ADGRE1: variants seen among roughly 807,000 people sequenced by gnomAD.
ADGRE1 encodes adhesion G protein-coupled receptor E1, also known as EGF-like module receptor 1.
In ADGRE1, 82 loss-of-function variants were observed where a neutral mutation model predicts 102.7. The ratio of observed to expected loss-of-function variants is 0.80; its 90% CI spans 0.67 to 0.96. The LOEUF (loss-of-function observed/expected upper bound fraction) is 0.96, where lower values mean the gene tolerates loss of function less well. Ranked by LOEUF, ADGRE1 falls within the 40% of genes least tolerant of loss-of-function variation. ADGRE1 has a pLI of 0.00. For synonymous variants in ADGRE1, 398 were observed against 399.6 expected (o/e 1.00, Z 0.05); for missense variants, 1,032 against 1,085.3 (o/e 0.95, Z 0.69).
At chr19:6,914,011 A>C (rs1374315542) in intron 11 of ADGRE1, among the ~76,000 whole-genome samples, 181 bp downstream of exon 11, 1 of 152,262 alleles carries the variant, frequency 6.6e-6, no homozygotes. Context: ...AGTGCTTGGC[A>C]AAGGCCAGGC....
At chr19:6,906,102 T>C (rs1256083408) in intron 8 of ADGRE1, among the ~76,000 whole-genome samples, 1 of 152,202 alleles carries the variant, frequency 6.6e-6, no homozygotes, top group Admixed American at 6.5e-5. Context: ...TTTCACTCAA[T>C]ATCATGCCTC....
intron 15 of ADGRE1, among the ~76,000 whole-genome samples, chr19:6,925,622 AATAATGTTACAGATGTCG>A (rs1974867200): frequency 6.6e-6 from 1 of 152,188 alleles, no homozygotes; most frequent in African/African-American, 2.4e-5. Context: ...ATGACTCTGC[AATAATGTTACAGATGTCG>A]ATAATGCTAC....
chr19:6,939,931 T>C, intron 20 of ADGRE1, 93 bp from the exon 21 acceptor site: 1 of 1,368,204 alleles, frequency 7.3e-7, no homozygotes, highest in Non-Finnish European at 1.0e-6. Context: ...TTACTGTATT[T>C]TTAATACTTC....
chr19:6,893,689 T>A (rs1315833581), intron 2 of ADGRE1, among the ~76,000 whole-genome samples: 2 of 152,210 alleles, frequency 1.3e-5, no homozygotes, highest in Non-Finnish European at 2.9e-5. Flanking sequence ...TCACTCAACC[T>A]CTCTGAGTCA....
chr19:6,924,763 T>C lies in ADGRE1; in HGVS notation c.1877T>C (p.Leu626Pro), dbSNP rs2144994136. The C allele has an allele frequency of 2.5e-6, 4 of 1,614,202 alleles. No homozygotes were observed. Among genetic ancestry groups the C allele is most frequent in the East Asian group, 4.5e-5 (2 of 44,880 alleles). ...GTCTTGGCCATCGCCACCTTTCTGCTGTGTCGCTCCATCCGAAATCACAAC... is the reference window on the plus strand; with the variant it reads ...GTCTTGGCCATCGCCACCTTTCTGCCGTGTCGCTCCATCCGAAATCACAAC... ...CLVLAIATFL[L>P]CRSIRNHNTY... Residue 626 changes from leucine (L) to proline (P), a missense_variant, in exon 15 of 21, where the codon CTG (leucine) becomes CCG (proline). Transcript: ENST00000312053.
At chr19:6,935,324 A>G (rs1479198727) in intron 18 of ADGRE1, among the ~76,000 whole-genome samples, 2 of 152,142 alleles carry the variant, frequency 1.3e-5, no homozygotes, top group African/African-American at 4.8e-5. Context: ...GAATGGGGAT[A>G]TTAACATTGC....
chr19:6,887,629 C>G lies in ADGRE1; in HGVS notation c.21C>G (p.Leu7=), dbSNP rs370964713. 6.2e-7 allele frequency: 1 copy of G among 1,612,504 alleles called. No homozygotes were observed. Residue 7 remains leucine, a synonymous_variant, in exon 1 of 21, where the codon CTC becomes CTG. Coordinates refer to ENST00000312053, the MANE Select transcript of ADGRE1 (RefSeq NM_001974.5). The part of the protein sequence containing the change: MRGFNL[L]LFWGCCVMHS... Reference sequence around the variant, plus strand: ...GCATAATGCGTGGCTTCAACCTGCTCCTCTTCTGGGGTGAGTGTGAGGCTG... The same window carrying G: ...GCATAATGCGTGGCTTCAACCTGCTGCTCTTCTGGGGTGAGTGTGAGGCTG...
At chr19:6,901,621 A>G (rs1019032642) in intron 5 of ADGRE1, among the ~76,000 whole-genome samples, 1 of 152,204 alleles carries the variant, frequency 6.6e-6, no homozygotes, top group African/African-American at 2.4e-5. Context: ...TCTGATAATT[A>G]TGTTTTGAAA....
intron 14 of ADGRE1, 135 bp from the exon 15 acceptor site, chr19:6,924,543 T>C: frequency 1.5e-6 from 1 of 688,238 alleles, no homozygotes; most frequent in South Asian, 1.8e-5. Context: ...CAGTATCTAG[T>C]TCACTCTGAG....
chr19:6,901,730 C>T lies in ADGRE1; in HGVS notation c.515-145C>T, dbSNP rs1973770923. 5 of 855,676 alleles carry T rather than the reference C, an allele frequency of 5.8e-6. No homozygotes were observed. In the Admixed American group the frequency reaches 1.1e-4, roughly 18 times the overall value. The allele number at this position is 855,676 out of a possible 1,614,324, so 53.0% of individuals were successfully genotyped here. ...ACTGGGAAATATGTCCCACTGTGTG[C>T]CTGGGAAGAAGGGGGGAACATGGAT... On this transcript the variant is annotated intron_variant, in intron 5 of 20. Coordinates refer to ENST00000312053, the MANE Select transcript of ADGRE1 (RefSeq NM_001974.5).
rs1312377410 is a variant in ADGRE1, at chr19:6,940,312, G to A, written c.*283G>A. 5.6e-6 allele frequency: 3 copies of A among 535,206 alleles called. No homozygotes were observed. Among genetic ancestry groups the A allele is most frequent in the African/African-American group, 3.8e-5 (2 of 52,496 alleles). The allele number at this position is 535,206 out of a possible 1,614,324, so 33.2% of individuals were successfully genotyped here. A position where few individuals can be genotyped will look rare whatever the true frequency, so the allele number is the denominator to read the frequency against. On this transcript the variant is annotated 3_prime_UTR_variant, in exon 21 of 21. Transcript: ENST00000312053. ...GACCCAAATTCAATGGCATGACCAA[G>A]AACACCTGGCTACCATTTTGTTTTC...
In ADGRE1 at chr19:6,920,516, C is replaced by CTTTTTTTTTTTTT. The variant is rs3053967; in HGVS notation, c.1620+781_1620+793dup. 6.6e-5 allele frequency among the ~76,000 whole-genome samples: 5 copies of CTTTTTTTTTTTTT among 75,748 alleles called. 1 individual carries two copies. The highest frequency in any genetic ancestry group is 1.3e-4 in the African/African-American group (3 of 22,502). The allele number at this position is 75,748 out of a possible 152,430, so 49.7% of individuals were successfully genotyped here. ...TTACAGGCATGAACCACCATGCCCG[C>CTTTTTTTTTTTTT]TTTTTTTTTTTTTTTTTTTTTTTTG... On this transcript the variant is annotated intron_variant, in intron 13 of 20. Coordinates refer to ENST00000312053, the MANE Select transcript of ADGRE1 (RefSeq NM_001974.5).
chr19:6,933,480 C>T (rs2145027189), intron 17 of ADGRE1, among the ~76,000 whole-genome samples: 1 of 151,608 alleles, frequency 6.6e-6, no homozygotes, highest in Middle Eastern at 3.4e-3. Flanking sequence ...CTCTGCCTCC[C>T]AGGTTCAAGC....
intron 17 of ADGRE1, among the ~76,000 whole-genome samples, chr19:6,932,510 C>T (rs925352406): frequency 4.6e-5 from 7 of 152,086 alleles, no homozygotes; most frequent in African/African-American, 1.7e-4. Context: ...ATTTAAAAGG[C>T]TATCTGTTGG....
chr19:6,906,659 C>A, intron 9 of ADGRE1, 138 bp downstream of exon 9: 1 of 691,072 alleles, frequency 1.4e-6, no homozygotes, highest in Non-Finnish European at 2.5e-6. Flanking sequence ...TCCTCTGTAA[C>A]CTGCTGAGTG....
At chr19:6,903,410 G>T (rs972448360) in intron 6 of ADGRE1, among the ~76,000 whole-genome samples, 4 of 152,156 alleles carry the variant, frequency 2.6e-5, no homozygotes, top group Admixed American at 1.3e-4. Flanking sequence ...TAATAGAAAT[G>T]TATCACTCTC....
At chr19:6,908,664 C>CTTTTT (rs34044572) in intron 9 of ADGRE1, 25 bp from the exon 10 acceptor site, 4 of 1,350,524 alleles carry the variant, frequency 3.0e-6, no homozygotes, top group East Asian at 2.5e-5. Flanking sequence ...CACAAATGCT[C>CTTTTT]TTTTTTTTTT....
chr19:6,904,526 G>A (rs1034013496), intron 8 of ADGRE1, among the ~76,000 whole-genome samples: 2 of 147,698 alleles, frequency 1.4e-5, no homozygotes, highest in African/African-American at 2.5e-5. Context: ...AAAAAAGTGT[G>A]CTTTTTTTTT....
Position 6,938,798 on chromosome 19 carries a change from T to C in ADGRE1, c.2655+1150T>C, listed in dbSNP as rs774561392. ...TTTTCTTTCTTTCTTTCTTTCTTTTTTTCTTTTTTTTTTTTGAGATGGAGT... is the reference window on the plus strand; with the variant it reads ...TTTTCTTTCTTTCTTTCTTTCTTTTCTTCTTTTTTTTTTTTGAGATGGAGT... On this transcript the variant is annotated intron_variant, in intron 20 of 20. Coordinates refer to ENST00000312053, the MANE Select transcript of ADGRE1 (RefSeq NM_001974.5). 2.1e-3 allele frequency among the ~76,000 whole-genome samples: 299 copies of C among 140,526 alleles called. 1 individual carries two copies. The highest frequency in any genetic ancestry group is 3.2e-3 in the Non-Finnish European group (209 of 64,704). 92.2% of individuals were successfully genotyped at this position (140,526 alleles called of 152,430 possible). A position where few individuals can be genotyped will look rare whatever the true frequency, so the allele number is the denominator to read the frequency against.
Sources: gnomAD v4.1 joint callset for allele counts (sites outside exome capture counted in the v4.1 genomes callset) on GRCh38, gnomAD v4.1.1 for gene constraint, MANE v1.5 for transcripts, NCBI Gene and HGNC (gene_info 2026-07-23, HGNC 2026-07-21) for gene names.